FBL: variants seen among roughly 807,000 people sequenced by gnomAD.
The protein encoded by FBL is fibrillarin rRNA 2'-O-methyltransferase.
Under a neutral mutation model 42.2 loss-of-function variants are expected in FBL, and 10 were observed. The observed-to-expected ratio is 0.24, with a 90% confidence interval of 0.15 to 0.40. The LOEUF (loss-of-function observed/expected upper bound fraction) is 0.40, where lower values mean the gene tolerates loss of function less well. Ranked by LOEUF, FBL falls within the 10% of genes least tolerant of loss-of-function variation. The probability of loss-of-function intolerance (pLI) is 1.00; values close to 1 mark genes in which losing one functional copy is unlikely to be tolerated. For missense variants in FBL, 351 were observed against 439.2 expected, an observed-to-expected ratio of 0.80 and a Z score of 1.79; for synonymous variants, 165 against 165.4, an observed-to-expected ratio of 1.00 and a Z score of 0.02.
In FBL at chr19:39,834,654, G is replaced by C; in HGVS notation, c.941+14C>G. ...GAGATGTCTGTCTTGGTGTATTGCT[G>C]GGCCCCTGCTCACCTGTACACTCCC... On this transcript the variant is annotated intron_variant, in intron 8 of 8. Coordinates refer to ENST00000221801, the MANE Select transcript of FBL (RefSeq NM_001436.4). 1 of 1,614,096 alleles carries C rather than the reference G, an allele frequency of 6.2e-7. No individual in the cohort carries two copies. Among genetic ancestry groups the C allele is most frequent in the Non-Finnish European group, 8.5e-7 (1 of 1,180,004 alleles).
At chr19:39,837,546 C>T (rs1969073713) in intron 6 of FBL, among the ~76,000 whole-genome samples, 165 bp downstream of exon 6, 1 of 152,144 alleles carries the variant, frequency 6.6e-6, no homozygotes, top group Non-Finnish European at 1.5e-5. Flanking sequence ...GCCAAGCTGC[C>T]ACCTCCACAA....
intron 5 of FBL, chr19:39,838,110 A>C (rs1015087009): frequency 4.4e-5 from 18 of 411,882 alleles, no homozygotes; most frequent in Non-Finnish European, 7.0e-5. Context: ...GCTTAAAACC[A>C]GGAAGCCAAG....
chr19:39,844,621 C>G (rs1287663860), intron 1 of FBL, among the ~76,000 whole-genome samples: 1 of 152,164 alleles, frequency 6.6e-6, no homozygotes, highest in Non-Finnish European at 1.5e-5. Flanking sequence ...CACATACAAT[C>G]TGTTGGTTCT....
chr19:39,845,576 T>C (rs1475457325), intron 1 of FBL, among the ~76,000 whole-genome samples: 1 of 151,988 alleles, frequency 6.6e-6, no homozygotes. Context: ...TAGTGGAAAA[T>C]CTTAAGAATA....
rs377289250 is a variant in FBL at position 39,840,379 on chromosome 19, C to T, written c.283+35G>A. On this transcript the variant is annotated intron_variant, in intron 3 of 8. Transcript: ENST00000221801. This position sits in a 1 kb window ranked among gnomAD's most constrained non-coding sequence, Gnocchi z 4.5. ...GAGGACCCCCAGCCTCTCCCTGCCC[C>T]GAAGCTCAGCCGGCTCCCTGCCTTC... 9 of 1,612,620 alleles carry T rather than the reference C, an allele frequency of 5.6e-6. No individual in the cohort carries two copies. In the South Asian group the frequency reaches 7.7e-5, roughly 14 times the overall value.
intron 1 of FBL, among the ~76,000 whole-genome samples, chr19:39,844,792 A>C (rs1363784670): frequency 3.3e-5 from 5 of 152,222 alleles, no homozygotes; most frequent in Non-Finnish European, 7.3e-5. Flanking sequence ...AATCCCTTTT[A>C]AAAATGTCAG....
At chr19:39,842,078 T>C (rs1305815203) in intron 1 of FBL, among the ~76,000 whole-genome samples, 1 of 151,340 alleles carries the variant, frequency 6.6e-6, no homozygotes, top group East Asian at 1.9e-4. Flanking sequence ...ATCTATTCAA[T>C]CATAAGCTTG....
At chr19:39,835,059 C>A (rs1300918609) in intron 7 of FBL, among the ~76,000 whole-genome samples, 1 of 152,198 alleles carries the variant, frequency 6.6e-6, no homozygotes, top group Middle Eastern at 3.2e-3. Flanking sequence ...GCTATTATCA[C>A]AAGAGTGGGT....
Position 39,839,018 on chromosome 19 carries a change from T to G in FBL, c.549+17A>C. On this transcript the variant is annotated intron_variant, in intron 5 of 8. Coordinates refer to ENST00000221801, the MANE Select transcript of FBL (RefSeq NM_001436.4). ...GCAGCCTTTACCTCCTGCCTGACTC[T>G]CCATCTACTCACTCACCGGACCAAC... is the stretch of plus-strand genomic sequence containing the variant. 1 of 1,601,128 alleles carries G rather than the reference T, an allele frequency of 6.2e-7. No homozygotes were observed. Among genetic ancestry groups the G allele is most frequent in the Admixed American group, 1.7e-5 (1 of 58,102 alleles).
chr19:39,844,478 A>AG (rs71171534), intron 1 of FBL, among the ~76,000 whole-genome samples: 22,506 of 150,886 alleles, frequency 0.15, 1,725 homozygotes, highest in Middle Eastern at 0.18. Context: ...TTTTGGGGGG[A>AG]GGGGGGTCCA....
chr19:39,845,000 A>G (rs1969232883), intron 1 of FBL, among the ~76,000 whole-genome samples: 1 of 152,150 alleles, frequency 6.6e-6, no homozygotes, highest in African/African-American at 2.4e-5. Context: ...CCAGGATCTC[A>G]GCATACCTGG....
chr19:39,840,368 T>C lies in FBL; in HGVS notation c.284-41A>G. 2.5e-6 allele frequency: 4 copies of C among 1,610,914 alleles called. No homozygotes were observed. The highest frequency in any genetic ancestry group is 3.4e-6 in the Non-Finnish European group (4 of 1,177,168). ...AGAGCAGGGGTGAGGACCCCCAGCC[T>C]CTCCCTGCCCCGAAGCTCAGCCGGC... On this transcript the variant is annotated intron_variant, in intron 3 of 8. Transcript: ENST00000221801. This position sits in a 1 kb window ranked among gnomAD's most constrained non-coding sequence, Gnocchi z 4.5.
chr19:39,834,737 A>T lies in FBL; in HGVS notation c.872T>A (p.Met291Lys). ...SEVKKMQQEN[M>K]KPQEQLTLEP... is the part of the protein sequence containing the mutation. ...AAGGGTCAACTGCTCCTGCGGCTTC[A>T]TGTTCTCCTGTTGCATCTTTTTCAC... Residue 291 changes from methionine (M) to lysine (K), a missense_variant, in exon 8 of 9, where the codon ATG becomes AAG. Met to Lys is a moderately conservative substitution (Grantham distance 95). Transcript: ENST00000221801. 1 of 1,614,098 alleles carries T rather than the reference A, an allele frequency of 6.2e-7. No homozygotes were observed. Among genetic ancestry groups the T allele is most frequent in the Non-Finnish European group, 8.5e-7 (1 of 1,180,012 alleles).
intron 1 of FBL, among the ~76,000 whole-genome samples, chr19:39,844,018 G>C (rs982046573): frequency 5.9e-5 from 9 of 151,848 alleles, no homozygotes; most frequent in African/African-American, 2.2e-4. Flanking sequence ...AGATGAAAAT[G>C]TAACTTTTAA....
chr19:39,836,471 T>G, intron 7 of FBL, 85 bp downstream of exon 7: 1 of 838,854 alleles, frequency 1.2e-6, no homozygotes, highest in Non-Finnish European at 1.9e-6. Context: ...CCCTCTGTTT[T>G]GGGTGGCTAT....
chr19:39,843,562 G>A (rs117003474), intron 1 of FBL, among the ~76,000 whole-genome samples: 2,136 of 152,306 alleles, frequency 0.014, 25 homozygotes, highest in Non-Finnish European at 0.022. Flanking sequence ...TTGAGGCCAG[G>A]AGTTCAAGAC....
intron 1 of FBL, among the ~76,000 whole-genome samples, chr19:39,841,438 T>C (rs1303502761): frequency 6.6e-6 from 1 of 152,180 alleles, no homozygotes; most frequent in Non-Finnish European, 1.5e-5. Flanking sequence ...GAGATATTAA[T>C]ATGGGGTTGG....
chr19:39,839,107 C>G lies in FBL; in HGVS notation c.477G>C (p.Pro159=). 1 of 1,614,138 alleles carries G rather than the reference C, an allele frequency of 6.2e-7. No individual in the cohort carries two copies. Among genetic ancestry groups the G allele is most frequent in the Non-Finnish European group, 8.5e-7 (1 of 1,180,016 alleles). ...CCCCGAGGTAGAGAACCTTAGCCCC[C>G]GGTTTGATGTGGATCTGGTCCACAC... ...LGGVDQIHIK[P]GAKVLYLGAA... Residue 159 remains proline, a synonymous_variant, in exon 5 of 9, where the codon CCG becomes CCC. Coordinates refer to ENST00000221801, the MANE Select transcript of FBL (RefSeq NM_001436.4).
chr19:39,839,288 A>C, intron 4 of FBL, 83 bp from the exon 5 acceptor site: 1 of 1,155,788 alleles, frequency 8.7e-7, no homozygotes, highest in Non-Finnish European at 1.2e-6. Flanking sequence ...CCTTGAAAGG[A>C]ACTGGGCTGT....
Sources: gnomAD v4.1 joint callset for allele counts (sites outside exome capture counted in the v4.1 genomes callset) on GRCh38, gnomAD v4.1.1 for gene constraint, Gnocchi (gnomAD v3.1) non-coding constraint, MANE v1.5 for transcripts, NCBI Gene and HGNC (gene_info 2026-07-23, HGNC 2026-07-21) for gene names.